BRINP3: variants seen among roughly 807,000 people sequenced by gnomAD.
BRINP3 encodes the protein BMP/retinoic acid-inducible neural-specific protein 3.
BRINP3 carries 19 observed loss-of-function variants against 71.0 expected under a neutral mutation model. The observed-to-expected ratio is 0.27, with a 90% confidence interval of 0.19 to 0.39. The LOEUF is 0.39. BRINP3 is among the 10% of genes least tolerant of loss of function. The probability of loss-of-function intolerance (pLI) is 1.00; values close to 1 mark genes in which losing one functional copy is unlikely to be tolerated. For missense variants in BRINP3, 959 were observed against 940.8 expected (o/e 1.02, Z -0.25); for synonymous variants, 380 against 337.7 (o/e 1.13, Z -1.37).
chr1:190,359,192 A>C (rs1668962367), intron 2 of BRINP3, among the ~76,000 whole-genome samples: 1 of 152,076 alleles, frequency 6.6e-6, no homozygotes, highest in Admixed American at 6.6e-5. Context: ...TGATAAAAAC[A>C]AAAGCTATTA....
intron 6 of BRINP3, among the ~76,000 whole-genome samples, chr1:190,186,579 C>T (rs1336286457): frequency 6.6e-6 from 1 of 152,138 alleles, no homozygotes; most frequent in African/African-American, 2.4e-5. Flanking sequence ...GGTACTTTCA[C>T]AGTATTCATT....
intron 2 of BRINP3, among the ~76,000 whole-genome samples, chr1:190,389,698 A>G (rs1314427979): frequency 2.0e-5 from 3 of 151,814 alleles, no homozygotes; most frequent in African/African-American, 7.2e-5. Flanking sequence ...TTACTTTGAA[A>G]CATTAATAAG....
chr1:190,315,341 A>G (rs966902992), intron 2 of BRINP3, among the ~76,000 whole-genome samples: 4 of 152,114 alleles, frequency 2.6e-5, no homozygotes, highest in Non-Finnish European at 5.9e-5. Context: ...GGTGTTCCCA[A>G]GGAGGAAATT....
In BRINP3 at chr1:190,098,315, C is replaced by T. The variant is rs900568267; in HGVS notation, c.2004G>A (p.Val668=). The change falls in exon 8 of 8, where the codon GTG becomes GTA. Residue 668 remains valine (V), a synonymous_variant. Coordinates refer to ENST00000367462, the MANE Select transcript of BRINP3 (RefSeq NM_199051.3). Reference sequence around the variant, plus strand: ...GGTCAAAGTGCATGCTGTAGCCAAACACTTGAATGTTATTGATTTTCATAT... The same window carrying T: ...GGTCAAAGTGCATGCTGTAGCCAAATACTTGAATGTTATTGATTTTCATAT... ...LGYMKINNIQ[V]FGYSMHFDPE... The T allele has an allele frequency of 1.9e-6, 3 of 1,614,002 alleles. No homozygotes were observed. Among genetic ancestry groups the T allele is most frequent in the African/African-American group, 1.3e-5 (1 of 74,914 alleles).
intron 5 of BRINP3, 115 bp downstream of exon 5, chr1:190,234,257 G>C: frequency 1.9e-6 from 1 of 527,598 alleles, no homozygotes; most frequent in Non-Finnish European, 3.2e-6. Flanking sequence ...CCTTTAATGA[G>C]AGTTTTTAAT....
chr1:190,407,702 A>G (rs1239788123), intron 2 of BRINP3, among the ~76,000 whole-genome samples: 1 of 152,180 alleles, frequency 6.6e-6, no homozygotes, highest in Non-Finnish European at 1.5e-5. Context: ...AATGTTTTAA[A>G]TTTTATGCCT....
intron 2 of BRINP3, among the ~76,000 whole-genome samples, chr1:190,391,772 G>A (rs1671265041): frequency 6.6e-6 from 1 of 151,610 alleles, no homozygotes; most frequent in Admixed American, 6.6e-5. Flanking sequence ...GTTACAAAAC[G>A]AGGCTTACCA....
chr1:190,330,770 T>A (rs931387910), intron 2 of BRINP3, among the ~76,000 whole-genome samples: 7 of 152,044 alleles, frequency 4.6e-5, no homozygotes, highest in African/African-American at 7.2e-5. Flanking sequence ...TTATGTGGTA[T>A]ATGCAAACCA....
At chr1:190,360,846 T>C (rs933180671) in intron 2 of BRINP3, among the ~76,000 whole-genome samples, 6 of 152,018 alleles carry the variant, frequency 3.9e-5, no homozygotes, top group Non-Finnish European at 2.9e-5. Flanking sequence ...TAGAGAAAGA[T>C]ACAAGGAAGA....
chr1:190,383,574 T>C (rs1359988888), intron 2 of BRINP3, among the ~76,000 whole-genome samples: 2 of 152,050 alleles, frequency 1.3e-5, no homozygotes, highest in African/African-American at 4.8e-5. Context: ...TTTGTGCTAA[T>C]ATGCGAAATG....
At chr1:190,174,131 C>G (rs1476635466) in intron 6 of BRINP3, among the ~76,000 whole-genome samples, 1 of 152,094 alleles carries the variant, frequency 6.6e-6, no homozygotes, top group Non-Finnish European at 1.5e-5. Context: ...GCTTGTAAGT[C>G]ACTTTATAAT....
At chr1:190,263,792 T>TACA (rs1661406700) in intron 4 of BRINP3, among the ~76,000 whole-genome samples, 1 of 151,936 alleles carries the variant, frequency 6.6e-6, no homozygotes, top group Non-Finnish European at 1.5e-5. Context: ...TTCACTGTGT[T>TACA]AGCCAGCATG....
chr1:190,295,964 A>T (rs1273215352), intron 2 of BRINP3, among the ~76,000 whole-genome samples: 1 of 151,552 alleles, frequency 6.6e-6, no homozygotes, highest in African/African-American at 2.4e-5. Context: ...ATTCAATGTA[A>T]TGTACCTGCA....
At chr1:190,247,088 G>C (rs377346511) in intron 4 of BRINP3, among the ~76,000 whole-genome samples, 14 of 151,592 alleles carry the variant, frequency 9.2e-5, no homozygotes, top group African/African-American at 3.4e-4. Flanking sequence ...ACAAATAACC[G>C]TATTATACAT....
chr1:190,172,837 C>T (rs1652141730), intron 6 of BRINP3, among the ~76,000 whole-genome samples: 2 of 152,240 alleles, frequency 1.3e-5, no homozygotes, highest in African/African-American at 4.8e-5. Context: ...GATACAGCAG[C>T]TTCCATAGAA....
At chr1:190,227,768 TG>T (rs1447716395) in intron 5 of BRINP3, among the ~76,000 whole-genome samples, 3 of 151,838 alleles carry the variant, frequency 2.0e-5, no homozygotes, top group African/African-American at 7.2e-5. Flanking sequence ...ATTTTGGAAA[TG>T]AAAGTAGTAA....
At chr1:190,315,587 C>T (rs983959157) in intron 2 of BRINP3, among the ~76,000 whole-genome samples, 4 of 152,034 alleles carry the variant, frequency 2.6e-5, no homozygotes, top group Non-Finnish European at 4.4e-5. Context: ...CTCTTCTACA[C>T]GAGAAATGCA....
chr1:190,330,747 G>T (rs1187093369), intron 2 of BRINP3, among the ~76,000 whole-genome samples: 2 of 152,016 alleles, frequency 1.3e-5, no homozygotes, highest in African/African-American at 4.8e-5. Context: ...CCATATGGTT[G>T]ATTGGATAAA....
At chr1:190,438,432 C>A (rs1004496209) in intron 2 of BRINP3, among the ~76,000 whole-genome samples, 1 of 151,512 alleles carries the variant, frequency 6.6e-6, no homozygotes, top group South Asian at 2.1e-4. Flanking sequence ...AATGGTCACA[C>A]AATTAACAAA....
Sources: allele counts gnomAD v4.1 joint callset (sites outside exome capture counted in the v4.1 genomes callset), GRCh38; gene constraint gnomAD v4.1.1; transcripts MANE v1.5; gene names NCBI Gene and HGNC (gene_info 2026-07-23, HGNC 2026-07-21).